Variants in CA10 observed in about 807,000 individuals in gnomAD.
CA10 encodes the protein carbonic anhydrase 10 (inactive).
In CA10, 14 loss-of-function variants were observed where a neutral mutation model predicts 44.2. The ratio of observed to expected loss-of-function variants is 0.32; its 90% CI spans 0.21 to 0.50. The LOEUF (loss-of-function observed/expected upper bound fraction) is 0.50, where lower values mean the gene tolerates loss of function less well. Ranked by LOEUF, CA10 falls within the 20% of genes least tolerant of loss-of-function variation. The pLI is 0.99. For synonymous variants in CA10, 159 were observed against 141.6 expected, an observed-to-expected ratio of 1.12 and a Z score of -0.87; for missense variants, 350 against 409.7, an observed-to-expected ratio of 0.85 and a Z score of 1.26.
At chr17:51,900,576 C>A (rs1042438744) in intron 3 of CA10, among the ~76,000 whole-genome samples, 2 of 152,170 alleles carry the variant, frequency 1.3e-5, no homozygotes, top group Admixed American at 6.5e-5. Flanking sequence ...GTTGGCCTAA[C>A]AAGGTTGGAG....
At chr17:51,802,350 G>C (rs575513655) in intron 3 of CA10, among the ~76,000 whole-genome samples, 1 of 152,042 alleles carries the variant, frequency 6.6e-6, no homozygotes, top group Non-Finnish European at 1.5e-5. Flanking sequence ...TTTCTCATTT[G>C]CCAAGTGGGA....
chr17:52,071,311 A>T (rs1448600175), intron 2 of CA10, among the ~76,000 whole-genome samples: 1 of 152,186 alleles, frequency 6.6e-6, no homozygotes, highest in African/African-American at 2.4e-5. Context: ...CTCCCTTACC[A>T]TGCCTGCTTT....
intron 4 of CA10, among the ~76,000 whole-genome samples, chr17:51,714,591 C>A (rs1916039462): frequency 1.3e-5 from 2 of 152,160 alleles, no homozygotes; most frequent in South Asian, 4.1e-4. Flanking sequence ...GGTAGAGACA[C>A]ACTGGTTTCA....
intron 2 of CA10, among the ~76,000 whole-genome samples, chr17:51,970,786 T>G (rs1331524817): frequency 6.6e-6 from 1 of 152,118 alleles, no homozygotes; most frequent in African/African-American, 2.4e-5. Flanking sequence ...ATTTGCTTTC[T>G]TACTATTTCC....
intron 4 of CA10, among the ~76,000 whole-genome samples, chr17:51,734,963 A>G (rs1916850883): frequency 6.6e-6 from 1 of 152,256 alleles, no homozygotes; most frequent in South Asian, 2.1e-4. Flanking sequence ...GCAAAAGGGA[A>G]AGAAGGAGGA....
chr17:51,836,337 C>T (rs1908476106), intron 3 of CA10, among the ~76,000 whole-genome samples: 1 of 152,208 alleles, frequency 6.6e-6, no homozygotes, highest in African/African-American at 2.4e-5. Context: ...TCCAAAGACC[C>T]CATGAATCCT....
At chr17:52,138,018 A>C (rs1382258234) in intron 1 of CA10, among the ~76,000 whole-genome samples, 3 of 152,208 alleles carry the variant, frequency 2.0e-5, no homozygotes, top group Admixed American at 2.0e-4. Context: ...AAAACAACAC[A>C]AATGTATTAT....
intron 2 of CA10, among the ~76,000 whole-genome samples, chr17:51,971,811 C>T (rs533645152): frequency 1.0e-3 from 156 of 151,844 alleles, no homozygotes; most frequent in Admixed American, 2.4e-3. Flanking sequence ...TTTTATTAGC[C>T]TAAGCTAGTA....
chr17:51,705,404 C>T (rs1279271876), intron 4 of CA10, among the ~76,000 whole-genome samples: 1 of 152,184 alleles, frequency 6.6e-6, no homozygotes, highest in Admixed American at 6.5e-5. Context: ...TAACATCTGG[C>T]TGCCCCACCA....
intron 2 of CA10, among the ~76,000 whole-genome samples, chr17:52,027,563 G>A (rs1703187290): frequency 6.6e-6 from 1 of 152,136 alleles, no homozygotes; most frequent in South Asian, 2.1e-4. Context: ...CATGCACATA[G>A]AAATTACATT....
chr17:51,899,334 G>A (rs774499868), intron 3 of CA10, among the ~76,000 whole-genome samples: 4 of 152,050 alleles, frequency 2.6e-5, no homozygotes, highest in Non-Finnish European at 4.4e-5. Flanking sequence ...TTCAGGAGCA[G>A]GTTGTTTAAC....
At chr17:51,756,535 C>G (rs62061833) in intron 3 of CA10, among the ~76,000 whole-genome samples, 26,959 of 147,450 alleles carry the variant, frequency 0.18, 2,753 homozygotes, top group East Asian at 0.29. Context: ...GGCGCCATCT[C>G]GGCTCACTGC....
chr17:51,651,720 G>A (rs985253442), intron 5 of CA10, among the ~76,000 whole-genome samples: 1 of 152,180 alleles, frequency 6.6e-6, no homozygotes, highest in African/African-American at 2.4e-5. Flanking sequence ...GCTGTCATGT[G>A]CCTGTGCCTC....
intron 3 of CA10, among the ~76,000 whole-genome samples, chr17:51,825,595 A>G (rs1907977810): frequency 6.6e-6 from 1 of 152,242 alleles, no homozygotes; most frequent in Admixed American, 6.5e-5. Context: ...CTTTTGAACC[A>G]GGAACACCAA....
intron 2 of CA10, among the ~76,000 whole-genome samples, chr17:52,031,597 T>C (rs1434924848): frequency 6.6e-6 from 1 of 152,238 alleles, no homozygotes; most frequent in Non-Finnish European, 1.5e-5. Flanking sequence ...TGACTGTTCA[T>C]GTAAAGGATT....
At chr17:51,643,519 C>T (rs1053093250) in intron 6 of CA10, among the ~76,000 whole-genome samples, 5 of 152,060 alleles carry the variant, frequency 3.3e-5, no homozygotes, top group Admixed American at 3.3e-4. Context: ...TAGTTTTTTT[C>T]ATTGTCAGTC....
At chr17:51,822,640 C>G (rs1907857194) in intron 3 of CA10, among the ~76,000 whole-genome samples, 1 of 152,130 alleles carries the variant, frequency 6.6e-6, no homozygotes, top group South Asian at 2.1e-4. Flanking sequence ...GTAACAGTGT[C>G]TGGCACATAG....
In CA10 at chr17:52,032,743, G is replaced by A. The variant is rs141818347; in HGVS notation, c.136+39576C>T. Among the ~76,000 whole-genome samples the A allele has an allele frequency of 3.8e-3, 581 of 152,252 alleles. 1 individual carries two copies. The highest frequency in any genetic ancestry group is 0.013 in the African/African-American group (547 of 41,562). ...TGAGCAAATATTGGAAGTCAGGCAC[G>A]TTGAAAATATCACTGGTCTAAGAGA... On this transcript the variant is annotated intron_variant, in intron 2 of 8. Coordinates refer to ENST00000451037, the MANE Select transcript of CA10 (RefSeq NM_020178.5).
chr17:51,821,069 CT>C, intron 3 of CA10, among the ~76,000 whole-genome samples: 1 of 113,418 alleles, frequency 8.8e-6, no homozygotes, highest in African/African-American at 3.5e-5. Context: ...CCCTCTCTCC[CT>C]TCCTTCCTCC....
Sources: gnomAD v4.1 joint callset for allele counts (sites outside exome capture counted in the v4.1 genomes callset) on GRCh38, gnomAD v4.1.1 for gene constraint, MANE v1.5 for transcripts, NCBI Gene and HGNC (gene_info 2026-07-23, HGNC 2026-07-21) for gene names.